The following SLCO1C1 variants were observed in gnomAD, a reference collection of about 807,000 sequenced individuals.
SLCO1C1 encodes OAT-RP-5.
Under a neutral mutation model 76.4 loss-of-function variants are expected in SLCO1C1, and 70 were observed. The ratio of observed to expected loss-of-function variants is 0.92; its 90% CI spans 0.76 to 1.12. The LOEUF (loss-of-function observed/expected upper bound fraction) is 1.12, where lower values mean the gene tolerates loss of function less well. Ranked by LOEUF, SLCO1C1 falls within the 50% of genes most tolerant of loss-of-function variation. SLCO1C1 has a pLI of 0.00. For synonymous variants in SLCO1C1, 306 were observed against 286.1 expected (o/e 1.07, Z -0.70); for missense variants, 912 against 823.8 (o/e 1.11, Z -1.31).
chr12:20,697,638 A>G (rs550632838), intron 1 of SLCO1C1: 2 of 152,134 alleles, frequency 1.3e-5, no homozygotes, highest in Non-Finnish European at 2.9e-5. Flanking sequence ...TTATCAACTG[A>G]TGTTTTTCAT....
At position 20,727,634 on chromosome 12, in the gene SLCO1C1, C is replaced by G. The variant is rs546505066; in HGVS notation, c.1186+4380C>G. Among the ~76,000 whole-genome samples, 22 of 152,284 alleles carry G rather than the reference C, an allele frequency of 1.4e-4. No individual in the cohort carries two copies. The South Asian group carries it at 4.4e-3, about 30-fold the overall frequency. On this transcript the variant is annotated intron_variant, in intron 9 of 14. Coordinates refer to ENST00000266509, the MANE Select transcript of SLCO1C1 (RefSeq NM_017435.5). ...ACGCCATTCTCCTGCTTCAGCTTCC[C>G]GAGTAGCTGGGACTACAGGCGCCCG...
intron 9 of SLCO1C1, among the ~76,000 whole-genome samples, chr12:20,728,262 G>C (rs1275724140): frequency 1.3e-5 from 2 of 152,068 alleles, no homozygotes; most frequent in East Asian, 3.8e-4. Context: ...ACCATTTATT[G>C]AATAGGGAGT....
At position 20,752,300 on chromosome 12, in the gene SLCO1C1, T is replaced by C. The variant is rs530117248; in HGVS notation, c.1917-6T>C. The C allele has an allele frequency of 7.2e-6, 11 of 1,537,858 alleles. No individual in the cohort carries two copies. In the African/African-American group the frequency reaches 1.1e-4, roughly 15 times the overall value. ...TAATTATAACAGAGATTCTCTCTTC[T>C]TCTAGACATATATATCTGGGACTAA... On this transcript the variant is annotated splice_polypyrimidine_tract_variant and splice_region_variant and intron_variant, in intron 14 of 14. Transcript: ENST00000266509.
intron 13 of SLCO1C1, 102 bp from the exon 14 acceptor site, chr12:20,750,573 T>C: frequency 9.3e-7 from 1 of 1,070,626 alleles, no homozygotes; most frequent in South Asian, 1.4e-5. Flanking sequence ...GCCTTTCATC[T>C]CCAAAACAGT....
intron 13 of SLCO1C1, among the ~76,000 whole-genome samples, chr12:20,747,349 A>C (rs1337116452): frequency 6.6e-6 from 1 of 152,098 alleles, no homozygotes; most frequent in Non-Finnish European, 1.5e-5. Context: ...GAATTGCTTG[A>C]ACCCAGGAGG....
In SLCO1C1 at chr12:20,737,252, A is replaced by G. The variant is rs1210959164; in HGVS notation, c.1528A>G (p.Asn510Asp). The G allele has an allele frequency of 1.3e-6, 2 of 1,562,850 alleles. No individual in the cohort carries two copies. Among genetic ancestry groups the G allele is most frequent in the Admixed American group, 2.1e-5 (1 of 47,094 alleles). The change falls in exon 11 of 15, where the codon AAC becomes GAC. Residue 510 changes from asparagine to aspartate, a missense_variant. Coordinates refer to ENST00000266509, the MANE Select transcript of SLCO1C1 (RefSeq NM_017435.5). ...TTGTCTTGCTGGTTGTCAAACCTCCAACAGGAGTGGAAAAAATATTGTAAG... is the reference window on the plus strand; with the variant it reads ...TTGTCTTGCTGGTTGTCAAACCTCCGACAGGAGTGGAAAAAATATTGTAAG... ...SACLAGCQTS[N>D]RSGKNIIFYN...
intron 7 of SLCO1C1, among the ~76,000 whole-genome samples, chr12:20,720,046 A>G (rs117711489): frequency 6.6e-6 from 1 of 152,180 alleles, no homozygotes; most frequent in Non-Finnish European, 1.5e-5. Context: ...AGTTGAAGCC[A>G]ATGCTCATTT....
Position 20,721,905 on chromosome 12 carries a change from TG to T in SLCO1C1, c.879del (p.Trp293CysfsTer27). ...IISLLAAVPF[W>X]YLPKSLPRSQ... ...AAGTCTTCTTGCAGCTGTGCCTTTCTGGTATTTACCAAAGAGTTTACCAAGA... is the reference window on the plus strand; with the variant it reads ...AAGTCTTCTTGCAGCTGTGCCTTTCTGTATTTACCAAAGAGTTTACCAAGA... On this transcript the variant is annotated frameshift_variant, in exon 8 of 15. Transcript: ENST00000266509. LOFTEE classifies it high-confidence loss of function. The T allele has an allele frequency of 6.2e-7, 1 of 1,614,186 alleles. No individual in the cohort carries two copies. Among genetic ancestry groups the T allele is most frequent in the Non-Finnish European group, 8.5e-7 (1 of 1,180,016 alleles).
rs377025629 is a variant in SLCO1C1, at chr12:20,744,486, C to T, written c.1798+1117C>T. On this transcript the variant is annotated intron_variant, in intron 13 of 14. Transcript: ENST00000266509. Reference sequence around the variant, plus strand: ...CTCCTAAGTTTTGAGAAGAAAAAAACAAGCAACAAAGTAGAAAAATGAGCA... The same window carrying T: ...CTCCTAAGTTTTGAGAAGAAAAAAATAAGCAACAAAGTAGAAAAATGAGCA... Among the ~76,000 whole-genome samples the T allele has an allele frequency of 6.6e-5, 10 of 151,954 alleles. 1 individual carries two copies. The South Asian group carries it at 2.1e-3, about 32-fold the overall frequency.
intron 13 of SLCO1C1, among the ~76,000 whole-genome samples, chr12:20,749,291 G>A (rs80085334): frequency 0.11 from 17,332 of 151,988 alleles, 1,127 homozygotes; most frequent in African/African-American, 0.17. Flanking sequence ...CTCAAATGCC[G>A]GAAACAACCA....
At chr12:20,723,839 T>C (rs1020455765) in intron 9 of SLCO1C1, among the ~76,000 whole-genome samples, 2 of 152,166 alleles carry the variant, frequency 1.3e-5, no homozygotes, top group Non-Finnish European at 2.9e-5. Context: ...CATGAACATG[T>C]CATTTAATGT....
In SLCO1C1 at chr12:20,751,535, G is replaced by A. The variant is rs573560858; in HGVS notation, c.1916+743G>A. On this transcript the variant is annotated intron_variant, in intron 14 of 14. Transcript: ENST00000266509. ...GGATGTGAATTGGGCACACCATTTT[G>A]AATAAATTTGTTTGAGTTAATAGGT... Among the ~76,000 whole-genome samples the A allele has an allele frequency of 1.6e-4, 24 of 152,214 alleles. No homozygotes were observed. The East Asian group carries it at 2.3e-3, about 15-fold the overall frequency.
In SLCO1C1 at chr12:20,752,311, T is replaced by C. The variant is rs1382906571; in HGVS notation, c.1922T>C (p.Ile641Thr). The C allele has an allele frequency of 6.4e-7, 1 of 1,566,106 alleles. No individual in the cohort carries two copies. ...GAGATTCTCTCTTCTTCTAGACATA[T>C]ATATCTGGGACTAACTGTGATACTG... ...RLYDSNVFRH[I>T]YLGLTVILGT... Residue 641 changes from isoleucine to threonine, a missense_variant, in exon 15 of 15, where the codon ATA becomes ACA. Ile to Thr is a moderately conservative substitution (Grantham distance 89). Coordinates refer to ENST00000266509, the MANE Select transcript of SLCO1C1 (RefSeq NM_017435.5).
At chr12:20,700,446 T>A (rs1026464749) in intron 2 of SLCO1C1, among the ~76,000 whole-genome samples, 1 of 151,900 alleles carries the variant, frequency 6.6e-6, no homozygotes, top group African/African-American at 2.4e-5. Flanking sequence ...TTTCTTTTTT[T>A]TAATTATTTT....
rs775870189 is a variant in SLCO1C1, at chr12:20,723,338, T to A, written c.1186+84T>A. The A allele has an allele frequency of 9.0e-5, 135 of 1,496,670 alleles. 1 individual carries two copies. The highest frequency in any genetic ancestry group is 1.1e-4 in the Non-Finnish European group (117 of 1,106,568). The allele number at this position is 1,496,670 out of a possible 1,614,324, so 92.7% of individuals were successfully genotyped here. A position where few individuals can be genotyped will look rare whatever the true frequency, so the allele number is the denominator to read the frequency against. ...ACTCGGGAATCTTCGAGAAGATTCTTCCAAGATTTAGGTAATTTATGACAT... is the reference window on the plus strand; with the variant it reads ...ACTCGGGAATCTTCGAGAAGATTCTACCAAGATTTAGGTAATTTATGACAT... On this transcript the variant is annotated intron_variant, in intron 9 of 14. Coordinates refer to ENST00000266509, the MANE Select transcript of SLCO1C1 (RefSeq NM_017435.5).
At chr12:20,739,951 G>A (rs140048658) in intron 11 of SLCO1C1, among the ~76,000 whole-genome samples, 1 of 152,256 alleles carries the variant, frequency 6.6e-6, no homozygotes, top group East Asian at 1.9e-4. Context: ...GATTTGCTGG[G>A]AGATTGTTGT....
intron 3 of SLCO1C1, among the ~76,000 whole-genome samples, chr12:20,704,067 T>A (rs1035039134): frequency 2.0e-5 from 3 of 151,564 alleles, no homozygotes; most frequent in African/African-American, 7.3e-5. Flanking sequence ...AAACTTTCTG[T>A]ACCTGTTTTT....
rs146010980 is a variant in SLCO1C1, at chr12:20,717,164, A to G, written c.709A>G (p.Ile237Val). Residue 237 changes from isoleucine to valine, a missense_variant, in exon 7 of 15, where the codon ATC becomes GTC. Physicochemically the swap from Ile to Val is conservative, Grantham distance 29. Coordinates refer to ENST00000266509, the MANE Select transcript of SLCO1C1 (RefSeq NM_017435.5). ...GCAGACGGTTGCAATTATAGGACCA[A>G]TCTTTGGTTTCCTGTTAGGCTCATT... The part of the protein sequence containing the change: ...CVQTVAIIGP[I>V]FGFLLGSLCA... 91 of 1,604,540 alleles carry G rather than the reference A, an allele frequency of 5.7e-5. No individual in the cohort carries two copies. The Middle Eastern group carries it at 9.9e-4, about 17-fold the overall frequency.
chr12:20,706,225 C>T, intron 4 of SLCO1C1, 144 bp downstream of exon 4: 1 of 1,082,148 alleles, frequency 9.2e-7, no homozygotes, highest in Non-Finnish European at 1.3e-6. Context: ...GATAAAATTT[C>T]ACAACAATTT....
Sources: gnomAD v4.1 joint callset for allele counts (sites outside exome capture counted in the v4.1 genomes callset) on GRCh38, gnomAD v4.1.1 for gene constraint, MANE v1.5 for transcripts, NCBI Gene and HGNC (gene_info 2026-07-23, HGNC 2026-07-21) for gene names.